The following PRKDC variants were observed in gnomAD, a reference collection of about 807,000 sequenced individuals.
PRKDC encodes DNA-dependent protein kinase catalytic subunit.
Under a neutral mutation model 486.9 loss-of-function variants are expected in PRKDC, and 82 were observed. The ratio of observed to expected loss-of-function variants is 0.17; its 90% confidence interval spans 0.14 to 0.20. The LOEUF (loss-of-function observed/expected upper bound fraction) is 0.20, where lower values mean the gene tolerates loss of function less well. Among genes scored for constraint, PRKDC ranks in the 10% least tolerant of loss-of-function variants. The pLI is 1.00. For missense variants in PRKDC, 4,504 were observed against 5,038.2 expected, an observed-to-expected ratio of 0.89 and a Z score of 3.21; for synonymous variants, 1,895 against 1,837.0, an observed-to-expected ratio of 1.03 and a Z score of -0.81.
At chr8:47,938,149 G>C (rs2090385426) in intron 11 of PRKDC, among the ~76,000 whole-genome samples, 1 of 152,010 alleles carries the variant, frequency 6.6e-6, no homozygotes, top group African/African-American at 2.4e-5. Context: ...GCTCATGCCT[G>C]TAATCCCAGC....
At chr8:47,783,584 C>T (rs1026310285) in intron 78 of PRKDC, among the ~76,000 whole-genome samples, 158 bp downstream of exon 78, 16 of 150,982 alleles carry the variant, frequency 1.1e-4, no homozygotes, top group Non-Finnish European at 2.2e-4. Context: ...GGCAAGACTC[C>T]GTCTCAAAAA....
chr8:47,918,977 A>T (rs959454003), intron 21 of PRKDC, among the ~76,000 whole-genome samples: 4 of 151,962 alleles, frequency 2.6e-5, no homozygotes, highest in African/African-American at 9.7e-5. Context: ...TTTTTTAAGC[A>T]ATCATAAACT....
chr8:47,929,557 C>G (rs974138411), intron 18 of PRKDC, among the ~76,000 whole-genome samples: 1 of 152,166 alleles, frequency 6.6e-6, no homozygotes, highest in Admixed American at 6.5e-5. Context: ...AGACCTGCCC[C>G]CAAGGTTTGT....
chr8:47,858,818 T>C (rs762019372), intron 47 of PRKDC, 31 bp downstream of exon 47: 3 of 1,605,504 alleles, frequency 1.9e-6, no homozygotes, highest in Non-Finnish European at 2.6e-6. Flanking sequence ...ATGAATATAG[T>C]ATTAACAGGT....
At chr8:47,852,051 G>A (rs575381245) in intron 52 of PRKDC, among the ~76,000 whole-genome samples, 15 of 152,346 alleles carry the variant, frequency 9.8e-5, no homozygotes, top group African/African-American at 3.4e-4. Context: ...AGGAGTGCAA[G>A]GCTGCAGTGT....
chr8:47,787,265 G>A (rs1050459543), intron 76 of PRKDC, among the ~76,000 whole-genome samples: 1 of 152,192 alleles, frequency 6.6e-6, no homozygotes, highest in Non-Finnish European at 1.5e-5. Flanking sequence ...TAAATCTGGT[G>A]TAAATCAAAC....
At position 47,852,695 on chromosome 8, in the gene PRKDC, C is replaced by G. The variant is rs369112706; in HGVS notation, c.6983G>C (p.Arg2328Pro). ...CACGTTTTTTCTCTCCATAACATAT[C>G]GAAGTATAAGTCCTAGAACTTCTGC... ...AAAEVLGLIL[R>P]YVMERKNILE... The change falls in exon 52 of 86, where the codon CGA becomes CCA. Residue 2328 changes from arginine to proline, a missense_variant. Coordinates refer to ENST00000314191, the MANE Select transcript of PRKDC (RefSeq NM_006904.7). 3.2e-6 allele frequency: 5 copies of G among 1,572,902 alleles called. No homozygotes were observed. The highest frequency in any genetic ancestry group is 4.3e-6 in the Non-Finnish European group (5 of 1,157,182).
chr8:47,784,085 C>A, intron 77 of PRKDC: 1 of 321,530 alleles, frequency 3.1e-6, no homozygotes, highest in East Asian at 6.5e-5. Context: ...GGTGAAGCCC[C>A]GTCTCTACTA....
chr8:47,938,932 C>T (rs2090396371), intron 11 of PRKDC, among the ~76,000 whole-genome samples: 2 of 152,090 alleles, frequency 1.3e-5, no homozygotes, highest in African/African-American at 4.8e-5. Flanking sequence ...CTTCCTAAAA[C>T]GTTGTGAAAT....
chr8:47,894,617 G>A (rs573244099), intron 30 of PRKDC, among the ~76,000 whole-genome samples: 1 of 152,234 alleles, frequency 6.6e-6, no homozygotes, highest in African/African-American at 2.4e-5. Context: ...ACCACGCTGA[G>A]TCTCAGTATT....
rs1361993489 is a variant in PRKDC at position 47,838,811 on chromosome 8, C to T, written c.7553+337G>A. On this transcript the variant is annotated intron_variant, in intron 56 of 85. Coordinates refer to ENST00000314191, the MANE Select transcript of PRKDC (RefSeq NM_006904.7). ...ACTTTATTTTCAACATTAATACTTA[C>T]AGCATGATCTCAACTATGTGTGTTA... Among the ~76,000 whole-genome samples the T allele has an allele frequency of 2.0e-5, 3 of 152,202 alleles. No individual in the cohort carries two copies. In the East Asian group the frequency reaches 5.8e-4, roughly 29 times the overall value.
intron 68 of PRKDC, among the ~76,000 whole-genome samples, chr8:47,812,718 GA>G (rs2087356173): frequency 6.6e-6 from 1 of 151,464 alleles, no homozygotes; most frequent in African/African-American, 2.4e-5. Flanking sequence ...AAGAGGAAAA[GA>G]AAAAAATAGT....
rs1006973605 is a variant in PRKDC at position 47,779,098 on chromosome 8, T to G, written c.11490-5A>C. The G allele has an allele frequency of 6.3e-7, 1 of 1,576,024 alleles. No homozygotes were observed. The highest frequency in any genetic ancestry group is 1.3e-5 in the African/African-American group (1 of 74,436). On this transcript the variant is annotated splice_polypyrimidine_tract_variant and splice_region_variant and intron_variant, in intron 80 of 85. Transcript: ENST00000314191. ...CACGGCGGTGCCCTGGGATCACTAA[T>G]GAGTGAGAAAAGGGGAATTGGAATT...
intron 67 of PRKDC, 87 bp downstream of exon 67, chr8:47,819,315 T>C: frequency 3.7e-6 from 3 of 815,292 alleles, no homozygotes; most frequent in Non-Finnish European, 5.8e-6. Flanking sequence ...TTAAGAAACA[T>C]GCACTTTCAC....
At chr8:47,774,556 G>T (rs980941765) in intron 85 of PRKDC, among the ~76,000 whole-genome samples, 179 bp from the exon 86 acceptor site, 8 of 152,140 alleles carry the variant, frequency 5.3e-5, no homozygotes, top group Non-Finnish European at 8.8e-5. Context: ...GAATTATGCT[G>T]CTCAAGTTTT....
At chr8:47,855,647 T>C (rs1394853333) in intron 49 of PRKDC, among the ~76,000 whole-genome samples, 1 of 152,210 alleles carries the variant, frequency 6.6e-6, no homozygotes, top group African/African-American at 2.4e-5. Context: ...CCCTGGAGCC[T>C]CCATGCCTAG....
chr8:47,774,718 G>A (rs1052610651), intron 85 of PRKDC, among the ~76,000 whole-genome samples: 5 of 152,038 alleles, frequency 3.3e-5, no homozygotes, highest in African/African-American at 1.2e-4. Flanking sequence ...CCCACCAGCA[G>A]AGTATGAGGA....
chr8:47,882,195 A>G lies in PRKDC; in HGVS notation c.4777-98T>C, dbSNP rs575306873. The G allele has an allele frequency of 2.4e-4, 272 of 1,155,044 alleles. 1 individual carries two copies. The highest frequency in any genetic ancestry group is 1.8e-3 in the African/African-American group (118 of 64,624). The allele number at this position is 1,155,044 out of a possible 1,614,324, so 71.5% of individuals were successfully genotyped here. ...TTTCAAAGCTATTCTTGGAAAATAA[A>G]TAAGCTATTTCTATAATAGATGTTT... is the stretch of plus-strand genomic sequence containing the variant. On this transcript the variant is annotated intron_variant, in intron 36 of 85. Coordinates refer to ENST00000314191, the MANE Select transcript of PRKDC (RefSeq NM_006904.7).
chr8:47,851,786 CAGG>C (rs2088411739), intron 52 of PRKDC, among the ~76,000 whole-genome samples: 1 of 152,134 alleles, frequency 6.6e-6, no homozygotes, highest in Admixed American at 6.5e-5. Flanking sequence ...GGGGCTGCCA[CAGG>C]AGGAGGACGG....
Sources: allele counts gnomAD v4.1 joint callset (sites outside exome capture counted in the v4.1 genomes callset), GRCh38; gene constraint gnomAD v4.1.1; transcripts MANE v1.5; gene names NCBI Gene and HGNC (gene_info 2026-07-23, HGNC 2026-07-21).